Variants in B4GALNT4 observed in about 807,000 individuals in gnomAD.
B4GALNT4 encodes beta-1,4-N-acetyl-galactosaminyltransferase 4.
B4GALNT4 carries 77 observed loss-of-function variants against 110.0 expected under a neutral mutation model. The observed-to-expected ratio is 0.70, with a 90% confidence interval of 0.58 to 0.85. The LOEUF is 0.85. B4GALNT4 is among the 40% of genes least tolerant of loss of function. The pLI is 0.00. For synonymous variants in B4GALNT4, 785 were observed against 655.5 expected (o/e 1.20, Z -3.02); for missense variants, 1,575 against 1,506.0 (o/e 1.05, Z -0.76).
At position 373,255 on chromosome 11, in the gene B4GALNT4, C is replaced by T. The variant is rs1455972249; in HGVS notation, c.600C>T (p.Ser200=). Residue 200 remains serine (S), a synonymous_variant, in exon 6 of 20, where the codon AGC becomes AGT. Coordinates refer to ENST00000329962, the MANE Select transcript of B4GALNT4 (RefSeq NM_178537.5). ...AGTTCTGGCTGAGTCTGGACGAGAG[C>T]CCTGCTGCTGCCCAGCTTGTGGCCT... ...NSEFWLSLDE[S]PAAAQLVAFV... 1.2e-6 allele frequency: 2 copies of T among 1,611,752 alleles called. No homozygotes were observed. The highest frequency in any genetic ancestry group is 2.2e-5 in the South Asian group (2 of 91,062).
intron 8 of B4GALNT4, among the ~76,000 whole-genome samples, 194 bp downstream of exon 8, chr11:374,022 G>A (rs988599649): frequency 4.6e-5 from 7 of 152,174 alleles, no homozygotes; most frequent in Admixed American, 3.9e-4. Context: ...TTTGAGTAGA[G>A]TCTTGAGAGG....
intron 4 of B4GALNT4, 32 bp from the exon 5 acceptor site, chr11:372,994 G>C: frequency 1.2e-6 from 2 of 1,612,444 alleles, no homozygotes; most frequent in Admixed American, 1.7e-5. Flanking sequence ...GCACGCAGGG[G>C]GCTTCGACAG....
chr11:379,848 C>A lies in B4GALNT4; in HGVS notation c.2489-18C>A, dbSNP rs200643221. The A allele has an allele frequency of 7.6e-6, 12 of 1,579,130 alleles. No individual in the cohort carries two copies. The highest frequency in any genetic ancestry group is 4.5e-5 in the East Asian group (2 of 44,436). On this transcript the variant is annotated intron_variant, in intron 15 of 19. Transcript: ENST00000329962. ...AGTCAGCGTCGGCTCAGCGCCCCCC[C>A]CGCCTTTTCTCCTCCAGTGAAAAAC...
intron 14 of B4GALNT4, among the ~76,000 whole-genome samples, chr11:378,308 T>G (rs1846802319): frequency 6.6e-6 from 1 of 152,078 alleles, no homozygotes; most frequent in African/African-American, 2.4e-5. Flanking sequence ...TGGTGGTGAC[T>G]GACAGCCTGG....
In B4GALNT4 at chr11:372,193, G is replaced by A; in HGVS notation, c.236G>A (p.Ser79Asn). 6.5e-7 allele frequency: 1 copy of A among 1,550,202 alleles called. No homozygotes were observed. The highest frequency in any genetic ancestry group is 8.7e-7 in the Non-Finnish European group (1 of 1,146,848). Reference protein sequence around the residue: ...STQRAEDSSESREEEQAPEGR... With the variant: ...STQRAEDSSENREEEQAPEGR... ...CAGAGGGCTGAGGACTCCAGTGAGA[G>A]CCGTGAAGAGGAGCAAGCGGTGAGC... The change falls in exon 2 of 20, where the codon AGC becomes AAC. Residue 79 changes from serine to asparagine, a missense_variant. Ser to Asn is a conservative substitution (Grantham distance 46). Transcript: ENST00000329962.
Position 380,138 on chromosome 11 carries a change from A to G in B4GALNT4, c.2651A>G (p.Tyr884Cys). 1 of 1,603,472 alleles carries G rather than the reference A, an allele frequency of 6.2e-7. No homozygotes were observed. Among genetic ancestry groups the G allele is most frequent in the Non-Finnish European group, 8.5e-7 (1 of 1,172,942 alleles). ...TGACTCGCCCTCCCCAGGTACCAGT[A>G]CCTGAGACGAACCGGGAACTTCGAG... ...LRAARLPRYQ[Y>C]LRRTGNFERS... is the part of the protein sequence containing the mutation. Residue 884 changes from tyrosine to cysteine, a missense_variant, in exon 17 of 20, where the codon TAC becomes TGC. By Grantham distance (194) the Tyr-to-Cys change is radical (BLOSUM62 -2). Coordinates refer to ENST00000329962, the MANE Select transcript of B4GALNT4 (RefSeq NM_178537.5).
chr11:373,196 G>A lies in B4GALNT4; in HGVS notation c.541G>A (p.Val181Ile), dbSNP rs760615660. Reference sequence around the variant, plus strand: ...AGCCTAGTCTTGTGGACTAGGAGACGTCCAGTTTTCTGTGGCCTCAGACGA... The same window carrying A: ...AGCCTAGTCTTGTGGACTAGGAGACATCCAGTTTTCTGTGGCCTCAGACGA... ...GFIHPARDGD[V>I]QFSVASDDNS... is the part of the protein sequence containing the mutation. Residue 181 changes from valine (V) to isoleucine (I), a missense_variant, in exon 6 of 20, where the codon GTC (valine) becomes ATC (isoleucine). Coordinates refer to ENST00000329962, the MANE Select transcript of B4GALNT4 (RefSeq NM_178537.5). 14 of 1,612,214 alleles carry A rather than the reference G, an allele frequency of 8.7e-6. No homozygotes were observed. The highest frequency in any genetic ancestry group is 3.3e-5 in the South Asian group (3 of 91,082).
At chr11:375,993 C>T in intron 11 of B4GALNT4, 37 bp downstream of exon 11, 1 of 1,605,548 alleles carries the variant, frequency 6.2e-7, no homozygotes, top group Non-Finnish European at 8.5e-7. Flanking sequence ...CCGTCCGGGA[C>T]TCCGCGGAGC....
chr11:379,787 G>A, intron 15 of B4GALNT4, 79 bp from the exon 16 acceptor site: 2 of 1,516,704 alleles, frequency 1.3e-6, no homozygotes, highest in Non-Finnish European at 1.8e-6. Flanking sequence ...GGGTGTCCGG[G>A]ATGAAGTTCT....
chr11:371,708 C>T lies in B4GALNT4; in HGVS notation c.152-401C>T, dbSNP rs1846621487. Among the ~76,000 whole-genome samples, 4 of 152,244 alleles carry T rather than the reference C, an allele frequency of 2.6e-5. No homozygotes were observed. In the South Asian group the frequency reaches 8.3e-4, roughly 31 times the overall value. On this transcript the variant is annotated intron_variant, in intron 1 of 19. Coordinates refer to ENST00000329962, the MANE Select transcript of B4GALNT4 (RefSeq NM_178537.5). ...GGCAGACGTGGAACACTCCAGCACA[C>T]AGAGAAAGTGCTGAGGGCACAGGGC...
At position 376,528 on chromosome 11, in the gene B4GALNT4, C is replaced by T; in HGVS notation, c.1405C>T (p.Gln469Ter). 2 of 1,443,266 alleles carry T rather than the reference C, an allele frequency of 1.4e-6. No individual in the cohort carries two copies. Among genetic ancestry groups the T allele is most frequent in the South Asian group, 1.4e-5 (1 of 70,458 alleles). 89.4% of individuals were successfully genotyped at this position (1,443,266 alleles called of 1,614,324 possible). Residue 469 changes from glutamine to a stop codon, truncating the protein, a stop_gained, in exon 14 of 20, where the codon CAG (glutamine) becomes TAG (stop). Transcript: ENST00000329962. LOFTEE classifies it high-confidence loss of function. ...PQSPAPAAPAQPGATLAPPTP... is the reference protein window; with the variant it reads ...PQSPAPAAPA Reference sequence around the variant, plus strand: ...GTCCCCCGCCCCAGCAGCCCCCGCCCAGCCCGGAGCCACCCTCGCCCCGCC... The same window carrying T: ...GTCCCCCGCCCCAGCAGCCCCCGCCTAGCCCGGAGCCACCCTCGCCCCGCC...
Position 379,895 on chromosome 11 carries a change from T to C in B4GALNT4, c.2518T>C (p.Phe840Leu). 6.2e-7 allele frequency: 1 copy of C among 1,607,422 alleles called. No homozygotes were observed. Among genetic ancestry groups the C allele is most frequent in the Non-Finnish European group, 8.5e-7 (1 of 1,178,406 alleles). ...VKNQARWVAQ[F>L]LADMAALHAR... Reference sequence around the variant, plus strand: ...AAACCAGGCACGGTGGGTGGCACAGTTCCTGGCGGACATGGCTGCGCTGCA... The same window carrying C: ...AAACCAGGCACGGTGGGTGGCACAGCTCCTGGCGGACATGGCTGCGCTGCA... The change falls in exon 16 of 20, where the codon TTC becomes CTC. Residue 840 changes from phenylalanine to leucine, a missense_variant. Physicochemically the swap from Phe to Leu is conservative, Grantham distance 22. Coordinates refer to ENST00000329962, the MANE Select transcript of B4GALNT4 (RefSeq NM_178537.5).
In B4GALNT4 at chr11:376,646, T is replaced by G; in HGVS notation, c.1523T>G (p.Leu508Trp). ...GCCGCCCGCCCTTTGCCGCTCTTCT[T>G]GGGCCGAGCTCCGCCCCCGCGCCCT... is the stretch of plus-strand genomic sequence containing the variant. ...ARAARPLPLF[L>W]GRAPPPRPAV... Residue 508 changes from leucine (L) to tryptophan (W), a missense_variant, in exon 14 of 20, where the codon TTG (leucine) becomes TGG (tryptophan). Transcript: ENST00000329962. 1.4e-6 allele frequency: 2 copies of G among 1,426,030 alleles called. No homozygotes were observed. The highest frequency in any genetic ancestry group is 2.7e-5 in the South Asian group (2 of 74,512). The allele number at this position is 1,426,030 out of a possible 1,614,324, so 88.3% of individuals were successfully genotyped here.
Position 376,835 on chromosome 11 carries a change from C to A in B4GALNT4, c.1712C>A (p.Pro571Gln), listed in dbSNP as rs751747074. ...PRVQLRAPPRPPRPHGRRTGG... is the reference protein window; with the variant it reads ...PRVQLRAPPRQPRPHGRRTGG... ...GTGCAGCTGCGGGCGCCCCCACGCC[C>A]ACCCCGGCCCCACGGCCGCAGGACC... The change falls in exon 14 of 20, where the codon CCA becomes CAA. Residue 571 changes from proline to glutamine, a missense_variant. By Grantham distance (76) the Pro-to-Gln change is moderately conservative (BLOSUM62 -1). Transcript: ENST00000329962. 1 of 1,329,864 alleles carries A rather than the reference C, an allele frequency of 7.5e-7. No individual in the cohort carries two copies. Among genetic ancestry groups the A allele is most frequent in the South Asian group, 1.8e-5 (1 of 55,606 alleles). 82.4% of individuals were successfully genotyped at this position (1,329,864 alleles called of 1,614,324 possible).
At position 376,664 on chromosome 11, in the gene B4GALNT4, C is replaced by T. The variant is rs1408153986; in HGVS notation, c.1541C>T (p.Pro514Leu). ...CTCTTCTTGGGCCGAGCTCCGCCCC[C>T]GCGCCCTGCAGTGGAGCAGCCGCCC... ...LPLFLGRAPPPRPAVEQPPPK... is the reference protein window; with the variant it reads ...LPLFLGRAPPLRPAVEQPPPK... The change falls in exon 14 of 20, where the codon CCG (proline) becomes CTG (leucine). Residue 514 changes from proline to leucine, a missense_variant. Transcript: ENST00000329962. The T allele has an allele frequency of 2.1e-6, 3 of 1,429,656 alleles. No individual in the cohort carries two copies. Among genetic ancestry groups the T allele is most frequent in the East Asian group, 6.4e-5 (2 of 31,034 alleles). 88.6% of individuals were successfully genotyped at this position (1,429,656 alleles called of 1,614,324 possible). A position where few individuals can be genotyped will look rare whatever the true frequency, so the allele number is the denominator to read the frequency against.
chr11:371,925 G>T (rs536849895), intron 1 of B4GALNT4, among the ~76,000 whole-genome samples, 184 bp from the exon 2 acceptor site: 1 of 152,222 alleles, frequency 6.6e-6, no homozygotes, highest in Non-Finnish European at 1.5e-5. Flanking sequence ...AAGTTGCCTT[G>T]CTGGGGGGAG....
chr11:372,307 A>G (rs1363038909), intron 2 of B4GALNT4, 95 bp downstream of exon 2: 2 of 1,167,712 alleles, frequency 1.7e-6, no homozygotes, highest in Non-Finnish European at 2.5e-6. Flanking sequence ...ATTCTGGAGG[A>G]CGCAGCAGGG....
Position 377,253 on chromosome 11 carries a change from C to G in B4GALNT4, c.2130C>G (p.Asn710Lys). 1 of 1,597,120 alleles carries G rather than the reference C, an allele frequency of 6.3e-7. No individual in the cohort carries two copies. The highest frequency in any genetic ancestry group is 2.3e-5 in the East Asian group (1 of 44,046). Residue 710 changes from asparagine (N) to lysine (K), a missense_variant, in exon 14 of 20, where the codon AAC becomes AAG. Transcript: ENST00000329962. Reference sequence around the variant, plus strand: ...ACCTGCGATGCAACGTTTCGGGGAACCTGCAGCTGCCGGAGGCGGAGGCCG... The same window carrying G: ...ACCTGCGATGCAACGTTTCGGGGAAGCTGCAGCTGCCGGAGGCGGAGGCCG... ...WNDLRCNVSG[N>K]LQLPEAEAVD...
rs369913532 is a variant in B4GALNT4 at position 375,996 on chromosome 11, C to T, written c.1095+40C>T. Reference sequence around the variant, plus strand: ...AGACCCCGTCTCCCGTCCGGGACTCCGCGGAGCCTTCTCCAGCCCCTTGGG... The same window carrying T: ...AGACCCCGTCTCCCGTCCGGGACTCTGCGGAGCCTTCTCCAGCCCCTTGGG... On this transcript the variant is annotated intron_variant, in intron 11 of 19. Transcript: ENST00000329962. 108 of 1,604,680 alleles carry T rather than the reference C, an allele frequency of 6.7e-5. No homozygotes were observed. In the African/African-American group the frequency reaches 1.2e-3, roughly 18 times the overall value.
Sources: gnomAD v4.1 joint callset for allele counts (sites outside exome capture counted in the v4.1 genomes callset) on GRCh38, gnomAD v4.1.1 for gene constraint, MANE v1.5 for transcripts, NCBI Gene and HGNC (gene_info 2026-07-23, HGNC 2026-07-21) for gene names.